The following BMPR1A variants were observed in gnomAD, a reference collection of about 807,000 sequenced individuals.
The protein encoded by BMPR1A is bone morphogenetic protein receptor type 1A.
In BMPR1A, 7 loss-of-function variants were observed where a neutral mutation model predicts 66.0. The observed-to-expected ratio is 0.11, with a 90% CI of 0.06 to 0.20. BMPR1A has a LOEUF of 0.20. Ranked by LOEUF, BMPR1A falls within the 10% of genes least tolerant of loss-of-function variation. The pLI is 1.00. For missense variants in BMPR1A, 408 were observed against 669.1 expected (o/e 0.61, Z 4.31); for synonymous variants, 200 against 229.7 (o/e 0.87, Z 1.17).
intron 1 of BMPR1A, among the ~76,000 whole-genome samples, chr10:86,805,139 A>C (rs1318341222): frequency 6.6e-6 from 1 of 151,910 alleles, no homozygotes; most frequent in African/African-American, 2.4e-5. Flanking sequence ...ATCTCATTTT[A>C]ACTTGATTAC....
chr10:86,897,790 G>A (rs1367551529), intron 5 of BMPR1A, among the ~76,000 whole-genome samples: 1 of 152,060 alleles, frequency 6.6e-6, no homozygotes, highest in African/African-American at 2.4e-5. Flanking sequence ...AATTTTTTTA[G>A]AGATGGGGTC....
At chr10:86,884,240 A>G (rs1414301302) in intron 3 of BMPR1A, among the ~76,000 whole-genome samples, 1 of 151,714 alleles carries the variant, frequency 6.6e-6, no homozygotes, top group African/African-American at 2.4e-5. Context: ...GTGCTCCACC[A>G]CACGCAGCTA....
rs1554891035 is a variant in BMPR1A at position 86,919,236 on chromosome 10, C to T, written c.933C>T (p.Tyr311=). 6.2e-7 allele frequency: 1 copy of T among 1,613,888 alleles called. No individual in the cohort carries two copies. Among genetic ancestry groups the T allele is most frequent in the East Asian group, 2.2e-5 (1 of 44,882 alleles). ...SWTQLYLITD[Y]HENGSLYDFL... ...CTCAGCTCTATTTGATTACTGATTA[C>T]CATGAAAATGGATCTCTCTATGACT... The change falls in exon 10 of 13, where the codon TAC becomes TAT. Residue 311 remains tyrosine, a synonymous_variant. Coordinates refer to ENST00000372037, the MANE Select transcript of BMPR1A (RefSeq NM_004329.3).
rs1170873692 is a variant in BMPR1A, at chr10:86,797,070, T to TTTTTC, written c.-268+40155_-268+40156insCTTTT. 4.6e-4 allele frequency among the ~76,000 whole-genome samples: 26 copies of TTTTTC among 56,816 alleles called. 3 individuals are homozygous for TTTTTC. The highest frequency in any genetic ancestry group is 2.4e-3 in the East Asian group (1 of 422). The allele number at this position is 56,816 out of a possible 152,430, so 37.3% of individuals were successfully genotyped here. A position where few individuals can be genotyped will look rare whatever the true frequency, so the allele number is the denominator to read the frequency against. Reference sequence around the variant, plus strand: ...TTCCTTTCTTTTTCTTTTCTTTTCTTTTTTTTTTTTTTTTGAGACAGTCTT... The same window carrying TTTTTC: ...TTCCTTTCTTTTTCTTTTCTTTTCTTTTTTCTTTTTTTTTTTTTTGAGACAGTCTT... On this transcript the variant is annotated intron_variant, in intron 1 of 12. Coordinates refer to ENST00000372037, the MANE Select transcript of BMPR1A (RefSeq NM_004329.3).
At chr10:86,917,707 T>G (rs1026192928) in intron 9 of BMPR1A, among the ~76,000 whole-genome samples, 1 of 152,226 alleles carries the variant, frequency 6.6e-6, no homozygotes, top group African/African-American at 2.4e-5. Context: ...CTGTGTTTAA[T>G]GTGTGTTTCC....
At chr10:86,894,878 G>A (rs181836050) in intron 5 of BMPR1A, among the ~76,000 whole-genome samples, 23 of 152,300 alleles carry the variant, frequency 1.5e-4, no homozygotes, top group African/African-American at 5.1e-4. Context: ...TAACGGGCAC[G>A]TTGATAGTTT....
At position 86,894,416 on chromosome 10, in the gene BMPR1A, T is replaced by A. The variant is rs1483454186; in HGVS notation, c.333+2187T>A. ...ATCCTTTGCTCTAATTTGTTGGGAT[T>A]TAAAGGATGCTAATTTCGTTGTTCC... On this transcript the variant is annotated intron_variant, in intron 5 of 12. Transcript: ENST00000372037. Among the ~76,000 whole-genome samples the A allele has an allele frequency of 2.0e-5, 3 of 152,242 alleles. No individual in the cohort carries two copies. The East Asian group carries it at 5.8e-4, about 29-fold the overall frequency.
chr10:86,806,810 A>G (rs1275642734), intron 1 of BMPR1A, among the ~76,000 whole-genome samples: 1 of 151,840 alleles, frequency 6.6e-6, no homozygotes, highest in East Asian at 1.9e-4. Context: ...TCGGCCTCCC[A>G]AAGTCCTGGG....
At chr10:86,909,385 A>G (rs541092307) in intron 7 of BMPR1A, among the ~76,000 whole-genome samples, 2 of 152,128 alleles carry the variant, frequency 1.3e-5, no homozygotes, top group South Asian at 4.2e-4. Context: ...TTGAGGCCAG[A>G]AGTTCGAGAC....
At chr10:86,839,045 C>T (rs952544248) in intron 2 of BMPR1A, 66 bp downstream of exon 2, 1 of 152,018 alleles carries the variant, frequency 6.6e-6, no homozygotes, top group Admixed American at 6.6e-5. Context: ...GAAAATAATC[C>T]TTCTACACTG....
intron 3 of BMPR1A, among the ~76,000 whole-genome samples, chr10:86,887,899 A>G (rs1843089263): frequency 6.6e-6 from 1 of 152,176 alleles, no homozygotes; most frequent in Non-Finnish European, 1.5e-5. Flanking sequence ...AAAGCGGGGT[A>G]GGCCCATGGC....
intron 1 of BMPR1A, among the ~76,000 whole-genome samples, chr10:86,791,740 C>G (rs1479689129): frequency 8.1e-6 from 1 of 124,128 alleles, no homozygotes; most frequent in Non-Finnish European, 1.7e-5. Flanking sequence ...TTCCCTCCCT[C>G]CCTCCCTCTT....
chr10:86,919,547 T>C, intron 10 of BMPR1A, 78 bp downstream of exon 10: 1 of 1,564,390 alleles, frequency 6.4e-7, no homozygotes, highest in Non-Finnish European at 8.8e-7. Flanking sequence ...TTCAAGATAA[T>C]GGAATTCTAA....
At chr10:86,769,433 A>G (rs1295208170) in intron 1 of BMPR1A, among the ~76,000 whole-genome samples, 1 of 152,238 alleles carries the variant, frequency 6.6e-6, no homozygotes, top group Non-Finnish European at 1.5e-5. Context: ...CTCTAAAAAG[A>G]AAAAAGTAAA....
chr10:86,882,020 A>G (rs1296257929), intron 3 of BMPR1A, among the ~76,000 whole-genome samples: 2 of 151,844 alleles, frequency 1.3e-5, no homozygotes, highest in Admixed American at 6.6e-5. Flanking sequence ...TCTTTTAGAG[A>G]TACACATTGA....
chr10:86,787,960 G>A (rs778613073), intron 1 of BMPR1A, among the ~76,000 whole-genome samples: 12 of 152,026 alleles, frequency 7.9e-5, no homozygotes, highest in Non-Finnish European at 1.3e-4. Context: ...TGAGATTTGG[G>A]TGGGAACACA....
chr10:86,780,346 G>A (rs1841417897), intron 1 of BMPR1A, among the ~76,000 whole-genome samples: 1 of 152,066 alleles, frequency 6.6e-6, no homozygotes, highest in Admixed American at 6.6e-5. Flanking sequence ...TTTGATGCCT[G>A]TGTTTTTGAG....
At chr10:86,802,886 C>T (rs1008007646) in intron 1 of BMPR1A, among the ~76,000 whole-genome samples, 12 of 150,870 alleles carry the variant, frequency 8.0e-5, no homozygotes, top group African/African-American at 2.7e-4. Context: ...GCGTGGACAA[C>T]GTAGTGAGAC....
intron 2 of BMPR1A, among the ~76,000 whole-genome samples, chr10:86,852,150 C>T (rs1474706085): frequency 2.0e-5 from 3 of 151,768 alleles, no homozygotes; most frequent in African/African-American, 7.3e-5. Flanking sequence ...TTCAAGCACA[C>T]GTGGAGTGTT....
Sources: gnomAD v4.1 joint callset for allele counts (sites outside exome capture counted in the v4.1 genomes callset) on GRCh38, gnomAD v4.1.1 for gene constraint, MANE v1.5 for transcripts, NCBI Gene and HGNC (gene_info 2026-07-23, HGNC 2026-07-21) for gene names.